The following PTPN22 variants were observed in gnomAD, a reference collection of about 807,000 sequenced individuals.
PTPN22 encodes the protein protein tyrosine phosphatase non-receptor type 22.
Under a neutral mutation model 103.3 loss-of-function variants are expected in PTPN22, and 85 were observed. The observed-to-expected ratio is 0.82, with a 90% confidence interval of 0.69 to 0.99. The LOEUF (loss-of-function observed/expected upper bound fraction) is 0.99. PTPN22 is among the 50% of genes least tolerant of loss of function. PTPN22 has a pLI of 0.00. For synonymous variants in PTPN22, 323 were observed against 310.2 expected (o/e 1.04, Z -0.43); for missense variants, 865 against 936.9 (o/e 0.92, Z 1.00).
intron 19 of PTPN22, among the ~76,000 whole-genome samples, chr1:113,822,363 A>C: frequency 6.6e-6 from 1 of 152,218 alleles, no homozygotes; most frequent in Non-Finnish European, 1.5e-5. Context: ...GAAACAGAGC[A>C]TGTAACATCT....
chr1:113,816,970 G>A (rs1661206127), intron 20 of PTPN22, among the ~76,000 whole-genome samples: 1 of 151,954 alleles, frequency 6.6e-6, no homozygotes, highest in South Asian at 2.1e-4. Context: ...GAGAAGGAGA[G>A]TAGGGAAGGG....
At chr1:113,833,366 C>G (rs951152846) in intron 15 of PTPN22, among the ~76,000 whole-genome samples, 1 of 152,220 alleles carries the variant, frequency 6.6e-6, no homozygotes, top group Non-Finnish European at 1.5e-5. Flanking sequence ...AAATTGATCC[C>G]CTTCTGACTT....
chr1:113,870,127 C>T (rs1488528531), intron 1 of PTPN22, among the ~76,000 whole-genome samples: 2 of 152,112 alleles, frequency 1.3e-5, no homozygotes, highest in East Asian at 1.9e-4. Flanking sequence ...TTGGTACATA[C>T]TAAGTGCTCA....
At position 113,819,416 on chromosome 1, in the gene PTPN22, G is replaced by A. The variant is rs866474490; in HGVS notation, c.2359+161C>T. The stretch of plus-strand genomic sequence containing the variant: ...TTAGTTCTGTGTGAGATGTTAAGAG[G>A]TAGTTAAGGTTAAAAATAAAAAGAT... On this transcript the variant is annotated intron_variant, in intron 20 of 20. Coordinates refer to ENST00000359785, the Ensembl canonical transcript of PTPN22. 42 of 432,548 alleles carry A rather than the reference G, an allele frequency of 9.7e-5. 1 individual carries two copies. In the Middle Eastern group the frequency reaches 2.5e-3, roughly 26 times the overall value. The allele number at this position is 432,548 out of a possible 1,614,324, so 26.8% of individuals were successfully genotyped here. A position where few individuals can be genotyped will look rare whatever the true frequency, so the allele number is the denominator to read the frequency against.
chr1:113,819,636 G>A, exon 20 of PTPN22: 2 of 1,598,580 alleles, frequency 1.3e-6, no homozygotes, highest in Admixed American at 1.7e-5. Context: ...CTTGTTTGGT[G>A]GGCAAGAATT....
intron 1 of PTPN22, among the ~76,000 whole-genome samples, chr1:113,866,134 T>A (rs1160309305): frequency 6.6e-6 from 1 of 152,180 alleles, no homozygotes; most frequent in Non-Finnish European, 1.5e-5. Context: ...ATGGAGCAAA[T>A]GAGTTTATAT....
chr1:113,866,885 T>C (rs902564149), intron 1 of PTPN22, among the ~76,000 whole-genome samples: 9 of 152,048 alleles, frequency 5.9e-5, no homozygotes, highest in Middle Eastern at 3.2e-3. Context: ...GTAGCTGGGA[T>C]TACAGGCATG....
At chr1:113,826,978 T>C (rs1283392844) in intron 18 of PTPN22, among the ~76,000 whole-genome samples, 1 of 152,196 alleles carries the variant, frequency 6.6e-6, no homozygotes, top group Non-Finnish European at 1.5e-5. Context: ...CTGGAGTCTC[T>C]AATTTATCTC....
At chr1:113,826,273 A>T (rs1323935932) in intron 18 of PTPN22, among the ~76,000 whole-genome samples, 1 of 152,112 alleles carries the variant, frequency 6.6e-6, no homozygotes, top group Non-Finnish European at 1.5e-5. Context: ...TGAGTCCAGG[A>T]GGTCAAGGCT....
At chr1:113,854,803 C>G (rs868493234) in intron 8 of PTPN22, 104 bp downstream of exon 8, 3 of 1,357,582 alleles carry the variant, frequency 2.2e-6, no homozygotes, top group Non-Finnish European at 2.0e-6. Context: ...AATTTATTAT[C>G]GTTTGTTTTT....
intron 1 of PTPN22, among the ~76,000 whole-genome samples, chr1:113,869,266 G>T (rs1666377979): frequency 6.6e-6 from 1 of 152,152 alleles, no homozygotes. Context: ...CTTGGGTGTT[G>T]AACTGAAAAT....
chr1:113,871,441 T>C, intron 1 of PTPN22, 96 bp downstream of exon 1: 1 of 990,974 alleles, frequency 1.0e-6, no homozygotes, highest in Non-Finnish European at 1.6e-6. Context: ...CATATTTACT[T>C]TATCCCAAGA....
chr1:113,839,546 A>G (rs1663335629), intron 11 of PTPN22, among the ~76,000 whole-genome samples: 1 of 152,154 alleles, frequency 6.6e-6, no homozygotes, highest in African/African-American at 2.4e-5. Flanking sequence ...TTATCATATT[A>G]TGAAATATGT....
rs1663731629 is a variant in PTPN22 at position 113,843,102 on chromosome 1, A to C, written c.916-4482T>G. 1.4e-5 allele frequency among the ~76,000 whole-genome samples: 2 copies of C among 145,290 alleles called. 1 individual carries two copies. Among genetic ancestry groups the C allele is most frequent in the Non-Finnish European group, 3.0e-5 (2 of 66,368 alleles). On this transcript the variant is annotated intron_variant, in intron 11 of 20. Transcript: ENST00000359785. ...GCGACAGAGCGAGACTCCGTCTCAA[A>C]AAAAAAAAAAAAGAAAACTAAACAT... is the stretch of plus-strand genomic sequence containing the variant.
intron 11 of PTPN22, among the ~76,000 whole-genome samples, chr1:113,839,617 A>G (rs1663343483): frequency 6.6e-6 from 1 of 152,136 alleles, no homozygotes; most frequent in African/African-American, 2.4e-5. Context: ...CATTTCAGAG[A>G]TGTTAAAATC....
At chr1:113,842,494 T>G (rs1435265023) in intron 11 of PTPN22, among the ~76,000 whole-genome samples, 1 of 151,488 alleles carries the variant, frequency 6.6e-6, no homozygotes, top group Non-Finnish European at 1.5e-5. Flanking sequence ...GCTAACATGG[T>G]GAAACCCCAT....
intron 19 of PTPN22, chr1:113,823,305 T>C (rs1475094051): frequency 6.6e-6 from 1 of 152,116 alleles, no homozygotes. Flanking sequence ...AGAAGAAGAA[T>C]CCTAATTTCA....
intron 19 of PTPN22, chr1:113,823,478 C>G (rs147633522): frequency 9.2e-5 from 14 of 152,172 alleles, no homozygotes; most frequent in African/African-American, 3.4e-4. Context: ...CTTCATTTAA[C>G]GGCAAAAGAC....
chr1:113,846,292 CTT>C (rs1341926743), intron 11 of PTPN22, among the ~76,000 whole-genome samples: 1 of 151,702 alleles, frequency 6.6e-6, no homozygotes, highest in Non-Finnish European at 1.5e-5. Context: ...TATTATATCT[CTT>C]TGTATAGCCT....
Sources: gnomAD v4.1 joint callset for allele counts (sites outside exome capture counted in the v4.1 genomes callset) on GRCh38, gnomAD v4.1.1 for gene constraint, MANE v1.5 for transcripts, NCBI Gene and HGNC (gene_info 2026-07-23, HGNC 2026-07-21) for gene names.